Variants in PRKN observed in about 807,000 individuals in gnomAD.
PRKN encodes the protein parkin RBR E3 ubiquitin protein ligase.
PRKN carries 56 observed loss-of-function variants against 59.5 expected under a neutral mutation model. The ratio of observed to expected loss-of-function variants is 0.94; its 90% CI spans 0.76 to 1.18. PRKN has a LOEUF of 1.18. PRKN is among the 50% of genes most tolerant of loss of function. The pLI is 0.00. For missense variants in PRKN, 657 were observed against 596.4 expected (o/e 1.10, Z -1.06); for synonymous variants, 250 against 222.1 (o/e 1.13, Z -1.12).
At chr6:162,435,319 C>T (rs1266213952) in intron 2 of PRKN, among the ~76,000 whole-genome samples, 1 of 152,010 alleles carries the variant, frequency 6.6e-6, no homozygotes, top group Admixed American at 6.6e-5. Context: ...TATATATCTT[C>T]AGCATCTTAT....
chr6:162,509,413 C>T (rs1256385343), intron 1 of PRKN, among the ~76,000 whole-genome samples: 3 of 152,002 alleles, frequency 2.0e-5, no homozygotes, highest in African/African-American at 7.3e-5. Flanking sequence ...TTGCCATATT[C>T]CCTGAATATT....
At chr6:162,142,628 TTTGAG>T (rs1321477649) in intron 4 of PRKN, among the ~76,000 whole-genome samples, 1 of 152,132 alleles carries the variant, frequency 6.6e-6, no homozygotes, top group Admixed American at 6.5e-5. Context: ...AATCAAATTA[TTTGAG>T]TTAATATTTG....
At chr6:161,647,304 T>C (rs781165671) in intron 7 of PRKN, among the ~76,000 whole-genome samples, 1 of 152,228 alleles carries the variant, frequency 6.6e-6, no homozygotes, top group Non-Finnish European at 1.5e-5. Context: ...TGATAGGGCA[T>C]GACAGGGGCA....
chr6:161,905,248 C>T (rs942532993), intron 6 of PRKN, among the ~76,000 whole-genome samples: 1 of 152,174 alleles, frequency 6.6e-6, no homozygotes, highest in Admixed American at 6.5e-5. Flanking sequence ...TAGACACACT[C>T]GTGACACTAA....
intron 8 of PRKN, among the ~76,000 whole-genome samples, chr6:161,557,044 G>A (rs960578115): frequency 1.3e-5 from 2 of 152,138 alleles, no homozygotes; most frequent in Admixed American, 6.5e-5. Flanking sequence ...AAAAATATTT[G>A]AAAATAAATG....
At chr6:161,519,769 C>T (rs748322635) in intron 9 of PRKN, among the ~76,000 whole-genome samples, 10 of 152,158 alleles carry the variant, frequency 6.6e-5, no homozygotes, top group African/African-American at 1.9e-4. Context: ...TCTTCATTGA[C>T]GATGCAATTC....
chr6:162,011,327 ATATAATATATTATATAT>A (rs1410187802), intron 5 of PRKN, among the ~76,000 whole-genome samples: 2 of 27,970 alleles, frequency 7.2e-5, no homozygotes, highest in Non-Finnish European at 1.1e-4. Context: ...TTTATAATAT[ATATAATATATTATATAT>A]TATAATATAT....
At chr6:161,781,845 A>G (rs1790219005) in intron 7 of PRKN, among the ~76,000 whole-genome samples, 1 of 152,250 alleles carries the variant, frequency 6.6e-6, no homozygotes, top group South Asian at 2.1e-4. Context: ...ATTAAAAAGA[A>G]ACATACAGCC....
At chr6:161,667,126 T>A (rs190317188) in intron 7 of PRKN, among the ~76,000 whole-genome samples, 80 of 152,316 alleles carry the variant, frequency 5.3e-4, no homozygotes, top group African/African-American at 1.9e-3. Context: ...CCCCTGAGCT[T>A]TGTGCTTCAG....
intron 1 of PRKN, among the ~76,000 whole-genome samples, chr6:162,623,702 A>G (rs892779941): frequency 3.9e-5 from 6 of 152,150 alleles, no homozygotes; most frequent in Non-Finnish European, 7.3e-5. Flanking sequence ...GGCAGTCAAA[A>G]GAACTGTCAT....
chr6:162,326,230 C>T (rs984643433), intron 2 of PRKN, among the ~76,000 whole-genome samples: 6 of 152,142 alleles, frequency 3.9e-5, no homozygotes, highest in Middle Eastern at 3.4e-3. Context: ...ATTAAATACA[C>T]GAATCATAAA....
intron 7 of PRKN, among the ~76,000 whole-genome samples, chr6:161,753,420 C>A (rs1788777296): frequency 6.6e-6 from 1 of 152,052 alleles, no homozygotes; most frequent in African/African-American, 2.4e-5. Context: ...GGAAAAAAGC[C>A]AGGTTGGAAA....
At chr6:161,946,878 T>G (rs1289072468) in intron 6 of PRKN, among the ~76,000 whole-genome samples, 1 of 152,222 alleles carries the variant, frequency 6.6e-6, no homozygotes, top group Non-Finnish European at 1.5e-5. Flanking sequence ...AGTATGTCCA[T>G]AGGGGTCCTT....
rs76973944 is a variant in PRKN, at chr6:162,038,797, T to A, written c.618+15294A>T. Among the ~76,000 whole-genome samples, 104 of 152,272 alleles carry A rather than the reference T, an allele frequency of 6.8e-4. 2 individuals carry two copies. The East Asian group carries it at 0.02, about 29-fold the overall frequency. On this transcript the variant is annotated intron_variant, in intron 5 of 11. Transcript: ENST00000366898. ...CACATTTGATAGATATATAACTTCA[T>A]TTCAATGCCTTGGGCATGACCAAGT...
chr6:161,433,136 A>T (rs1788727030), intron 9 of PRKN, among the ~76,000 whole-genome samples: 1 of 152,256 alleles, frequency 6.6e-6, no homozygotes, highest in South Asian at 2.1e-4. Flanking sequence ...CTTTTAAAAA[A>T]TAGAATGATA....
chr6:162,181,136 G>A (rs1386571991), intron 4 of PRKN, among the ~76,000 whole-genome samples: 3 of 152,146 alleles, frequency 2.0e-5, no homozygotes, highest in East Asian at 1.9e-4. Flanking sequence ...TGGGCTGACC[G>A]AGGAACAGAA....
At position 161,354,815 on chromosome 6, in the gene PRKN, G is replaced by C. The variant is rs549525159; in HGVS notation, c.1286-4604C>G. ...GCTTCAAGTCTCAGCTTTTCTGTTT[G>C]TAAGTTAAAAATTTGGAGGTAAAAA... On this transcript the variant is annotated intron_variant, in intron 11 of 11. Transcript: ENST00000366898. The surrounding 1 kb of genome is among the most constrained non-coding windows in gnomAD (Gnocchi z 6.7). Among the ~76,000 whole-genome samples the C allele has an allele frequency of 2.0e-5, 3 of 152,242 alleles. No individual in the cohort carries two copies. In the East Asian group the frequency reaches 5.8e-4, roughly 29 times the overall value.
chr6:161,961,944 A>G (rs907843022), intron 6 of PRKN, among the ~76,000 whole-genome samples: 1 of 152,162 alleles, frequency 6.6e-6, no homozygotes, highest in East Asian at 1.9e-4. Flanking sequence ...CGAGATCTAG[A>G]AACTCTTGAA....
intron 1 of PRKN, among the ~76,000 whole-genome samples, chr6:162,637,518 G>C (rs1196632366): frequency 1.3e-5 from 2 of 152,138 alleles, no homozygotes; most frequent in African/African-American, 4.8e-5. Flanking sequence ...TCTTCAGCCA[G>C]TACGGAAGCA....
Sources: allele counts gnomAD v4.1 joint callset (sites outside exome capture counted in the v4.1 genomes callset), GRCh38; gene constraint gnomAD v4.1.1; non-coding constraint Gnocchi (gnomAD v3.1); transcripts MANE v1.5; gene names NCBI Gene and HGNC (gene_info 2026-07-23, HGNC 2026-07-21).